The following GRIP1 variants were observed in gnomAD, a reference collection of about 807,000 sequenced individuals.
GRIP1 encodes glutamate receptor interacting protein 1, also known as glutamate receptor-interacting protein 1.
GRIP1 carries 45 observed loss-of-function variants against 129.9 expected under a neutral mutation model. That is an observed-to-expected ratio of 0.35 (90% confidence interval 0.27 to 0.44). GRIP1 has a LOEUF of 0.44. GRIP1 is among the 20% of genes least tolerant of loss of function. The pLI is 1.00. For missense variants in GRIP1, 1,196 were observed against 1,396.8 expected (o/e 0.86, Z 2.29); for synonymous variants, 530 against 520.8 (o/e 1.02, Z -0.24).
At chr12:66,588,607 A>G (rs1313905198) in intron 2 of GRIP1, among the ~76,000 whole-genome samples, 4 of 152,166 alleles carry the variant, frequency 2.6e-5, no homozygotes, top group Non-Finnish European at 4.4e-5. Context: ...TTTATATTTA[A>G]CTGGGGTTTA....
At position 66,791,770 on chromosome 12, in the gene GRIP1, A is replaced by G. The variant is rs572240663; in HGVS notation, c.-420+12283T>C. Among the ~76,000 whole-genome samples the G allele has an allele frequency of 2.0e-5, 3 of 152,202 alleles. No individual in the cohort carries two copies. The East Asian group carries it at 5.8e-4, about 29-fold the overall frequency. The stretch of plus-strand genomic sequence containing the variant: ...TATACTGGTGCTGAGATTTTAATGC[A>G]CCTGTCACCCGAATAGTGTACATTG... On this transcript the variant is annotated intron_variant, in intron 1 of 4. Transcript: ENST00000538373.
chr12:66,806,708 T>C (rs2038999990), upstream of GRIP1, among the ~76,000 whole-genome samples: 1 of 152,184 alleles, frequency 6.6e-6, no homozygotes, highest in African/African-American at 2.4e-5. Flanking sequence ...TAAGCAACTA[T>C]TTTTGCACAA....
At chr12:66,977,154 T>C (rs1239959544) in intron 1 of GRIP1, among the ~76,000 whole-genome samples, 1 of 151,830 alleles carries the variant, frequency 6.6e-6, no homozygotes, top group South Asian at 2.1e-4. Context: ...AGTATATATA[T>C]AAACATTAGC....
chr12:67,022,737 G>C (rs764864210), intron 1 of GRIP1, among the ~76,000 whole-genome samples: 1 of 152,032 alleles, frequency 6.6e-6, no homozygotes, highest in African/African-American at 2.4e-5. Context: ...AGCTACAAGG[G>C]GTAAAGGCGC....
chr12:66,817,711 C>T (rs756159048), intron 1 of GRIP1, among the ~76,000 whole-genome samples: 6 of 152,064 alleles, frequency 3.9e-5, no homozygotes, highest in Admixed American at 2.6e-4. Flanking sequence ...CCATGCCTAG[C>T]CTGAGAATTT....
At position 66,400,331 on chromosome 12, in the gene GRIP1, CCTT is replaced by C. The variant is rs1225404573; in HGVS notation, c.1984+5949_1984+5951del. Among the ~76,000 whole-genome samples, 3 of 149,870 alleles carry C rather than the reference CCTT, an allele frequency of 2.0e-5. No individual in the cohort carries two copies. In the East Asian group the frequency reaches 5.8e-4, roughly 29 times the overall value. ...GAGAAAAGTACTTTTTATCATAGGT[CCTT>C]CTTGCAGCCAGCTTCTTGCCAACAC... On this transcript the variant is annotated intron_variant, in intron 16 of 24. Transcript: ENST00000359742.
At chr12:66,493,149 C>A (rs1296408888) in intron 7 of GRIP1, among the ~76,000 whole-genome samples, 1 of 152,092 alleles carries the variant, frequency 6.6e-6, no homozygotes, top group East Asian at 1.9e-4. Context: ...CTCACAAAAC[C>A]CCTCTGGGAT....
intron 13 of GRIP1, among the ~76,000 whole-genome samples, chr12:66,438,512 G>A (rs963102131): frequency 1.7e-5 from 2 of 118,318 alleles, no homozygotes; most frequent in African/African-American, 5.0e-5. Flanking sequence ...TTTTGAGACG[G>A]AGTTTTTTTT....
At chr12:66,380,057 C>G (rs1231626966) in intron 19 of GRIP1, among the ~76,000 whole-genome samples, 1 of 151,832 alleles carries the variant, frequency 6.6e-6, no homozygotes, top group South Asian at 2.1e-4. Flanking sequence ...AGGAGTGCAC[C>G]ACCACACCCA....
intron 2 of GRIP1, among the ~76,000 whole-genome samples, chr12:66,564,539 G>T (rs1441816874): frequency 6.6e-6 from 1 of 152,044 alleles, no homozygotes; most frequent in East Asian, 1.9e-4. Flanking sequence ...TTGGACATTT[G>T]GGTTGGTTCC....
At chr12:66,791,533 T>C (rs2038536399) in intron 1 of GRIP1, among the ~76,000 whole-genome samples, 1 of 152,110 alleles carries the variant, frequency 6.6e-6, no homozygotes, top group Non-Finnish European at 1.5e-5. Context: ...GATGGTTTGA[T>C]GGAGCTAAGG....
intron 1 of GRIP1, among the ~76,000 whole-genome samples, chr12:66,832,279 G>A (rs1241972258): frequency 6.6e-6 from 1 of 152,154 alleles, no homozygotes; most frequent in Admixed American, 6.5e-5. Context: ...TCGAATGTCA[G>A]ACTTGGAGAG....
chr12:66,566,732 G>A (rs1565868261), intron 2 of GRIP1, among the ~76,000 whole-genome samples: 1 of 152,034 alleles, frequency 6.6e-6, no homozygotes, highest in Non-Finnish European at 1.5e-5. Context: ...GGTAAAATTC[G>A]GCTGTGAATC....
At chr12:66,409,881 C>G (rs2057324037) in intron 15 of GRIP1, among the ~76,000 whole-genome samples, 1 of 152,152 alleles carries the variant, frequency 6.6e-6, no homozygotes, top group Non-Finnish European at 1.5e-5. Context: ...AGCAGAAATT[C>G]TGGAGTTGAA....
At chr12:66,954,291 A>C (rs1166412411) in intron 1 of GRIP1, among the ~76,000 whole-genome samples, 1 of 152,222 alleles carries the variant, frequency 6.6e-6, no homozygotes, top group Admixed American at 6.5e-5. Context: ...AAATTGCTGC[A>C]GAGTTCAGCA....
chr12:66,604,070 T>C (rs1345112803), intron 1 of GRIP1, among the ~76,000 whole-genome samples: 1 of 152,156 alleles, frequency 6.6e-6, no homozygotes, highest in African/African-American at 2.4e-5. Flanking sequence ...CCTCCTCAGA[T>C]ACAAATTTGC....
intron 1 of GRIP1, among the ~76,000 whole-genome samples, chr12:67,001,794 T>C (rs2042554410): frequency 6.6e-6 from 1 of 152,142 alleles, no homozygotes; most frequent in Non-Finnish European, 1.5e-5. Flanking sequence ...TGTGACTCTC[T>C]CATAGACACC....
At chr12:67,022,262 A>G (rs906060032) in intron 1 of GRIP1, among the ~76,000 whole-genome samples, 2 of 152,194 alleles carry the variant, frequency 1.3e-5, no homozygotes, top group African/African-American at 4.8e-5. Context: ...AGGAAACTCC[A>G]TACCATTCTT....
At chr12:66,523,882 G>C (rs1203866018) in intron 5 of GRIP1, among the ~76,000 whole-genome samples, 2 of 152,144 alleles carry the variant, frequency 1.3e-5, no homozygotes, top group African/African-American at 4.8e-5. Flanking sequence ...TGCAATCCTA[G>C]TCTCTGATTA....
Sources: allele counts gnomAD v4.1 joint callset (sites outside exome capture counted in the v4.1 genomes callset), GRCh38; gene constraint gnomAD v4.1.1; transcripts MANE v1.5; gene names NCBI Gene and HGNC (gene_info 2026-07-23, HGNC 2026-07-21).